Variants in TAS2R1 observed in about 807,000 individuals in gnomAD.
TAS2R1 encodes the protein taste receptor type 2 member 1.
For synonymous variants in TAS2R1, 141 were observed against 134.2 expected, an observed-to-expected ratio of 1.05 and a Z score of -0.35; for missense variants, 370 against 353.4, an observed-to-expected ratio of 1.05 and a Z score of -0.38.
the TAS2R1 span, among the ~76,000 whole-genome samples, chr5:9,852,627 GTTTCC>G: frequency 2.0e-5 from 3 of 152,256 alleles, no homozygotes; most frequent in East Asian, 1.9e-4. Flanking sequence ...ATTATAAATT[GTTTCC>G]TTTCATCTGT....
the TAS2R1 span, among the ~76,000 whole-genome samples, chr5:9,753,050 T>A: frequency 6.6e-6 from 1 of 152,234 alleles, no homozygotes; most frequent in Non-Finnish European, 1.5e-5. Context: ...TTATAATCCT[T>A]TGGGTATATA....
At position 9,629,128 on chromosome 5, in the gene TAS2R1, C is replaced by T. The variant is rs769234681; in HGVS notation, c.*5G>A. The T allele has an allele frequency of 1.9e-6, 3 of 1,538,802 alleles. No homozygotes were observed. The highest frequency in any genetic ancestry group is 4.2e-5 in the Admixed American group (2 of 47,174). Reference sequence around the variant, plus strand: ...TGGGTTCTTTGAACTGATCCAACTTCTCTCTCACTGACAGCACTTACTGTG... The same window carrying T: ...TGGGTTCTTTGAACTGATCCAACTTTTCTCTCACTGACAGCACTTACTGTG... On this transcript the variant is annotated 3_prime_UTR_variant, in exon 1 of 1. Coordinates refer to ENST00000382492, the MANE Select transcript of TAS2R1 (RefSeq NM_019599.3).
chr5:9,807,997 T>C, the TAS2R1 span, among the ~76,000 whole-genome samples: 1 of 152,186 alleles, frequency 6.6e-6, no homozygotes, highest in Non-Finnish European at 1.5e-5. Flanking sequence ...GGGGTGTTGC[T>C]CTAAAAATCT....
chr5:9,676,635 T>C (rs190296870), intron 1 of TAS2R1, among the ~76,000 whole-genome samples: 9 of 152,190 alleles, frequency 5.9e-5, no homozygotes, highest in Admixed American at 2.6e-4. Context: ...AAATATAAAA[T>C]GCAATACTAC....
the TAS2R1 span, among the ~76,000 whole-genome samples, chr5:9,851,287 A>G: frequency 0.71 from 108,468 of 152,176 alleles, 39,347 homozygotes; most frequent in East Asian, 0.86. Flanking sequence ...GGTTGTCTTC[A>G]TTGTCTGAAG....
the TAS2R1 span, chr5:9,903,711 G>C: frequency 6.6e-6 from 1 of 152,190 alleles, no homozygotes. Context: ...TCTCTCAGCT[G>C]TGGATACCAG....
chr5:9,687,067 C>T (rs1342154141), intron 1 of TAS2R1, among the ~76,000 whole-genome samples: 3 of 152,100 alleles, frequency 2.0e-5, no homozygotes, highest in Non-Finnish European at 1.5e-5. Flanking sequence ...TGGGTTCAAG[C>T]GATTCTCCTG....
intron 1 of TAS2R1, among the ~76,000 whole-genome samples, chr5:9,699,033 T>C (rs1277324658): frequency 6.6e-6 from 1 of 152,174 alleles, no homozygotes; most frequent in Non-Finnish European, 1.5e-5. Flanking sequence ...CTCAAAACAG[T>C]TCCTGGCTCA....
At chr5:9,723,228 G>A in the TAS2R1 span, among the ~76,000 whole-genome samples, 12 of 152,176 alleles carry the variant, frequency 7.9e-5, no homozygotes, top group Non-Finnish European at 1.6e-4. Flanking sequence ...TTGTTGCCAT[G>A]AAGACTGGGC....
At chr5:9,817,100 T>C in the TAS2R1 span, among the ~76,000 whole-genome samples, 1 of 152,196 alleles carries the variant, frequency 6.6e-6, no homozygotes, top group Non-Finnish European at 1.5e-5. Flanking sequence ...GACTTTGAAG[T>C]CTACAAAAGT....
the TAS2R1 span, among the ~76,000 whole-genome samples, chr5:9,779,857 A>C: frequency 6.6e-6 from 1 of 152,232 alleles, no homozygotes; most frequent in Non-Finnish European, 1.5e-5. Context: ...TTCAATTTGT[A>C]AATAACCCAT....
the TAS2R1 span, among the ~76,000 whole-genome samples, chr5:9,795,349 AC>A: frequency 6.6e-6 from 1 of 152,176 alleles, no homozygotes; most frequent in Admixed American, 6.5e-5. Flanking sequence ...GGGCTAGAGG[AC>A]AAAGTAATAT....
chr5:9,775,463 G>A, the TAS2R1 span, among the ~76,000 whole-genome samples: 1 of 151,870 alleles, frequency 6.6e-6, no homozygotes. Flanking sequence ...GCAAGACAAT[G>A]TCTCCATTAC....
At chr5:9,714,051 T>C (rs1734757792), upstream of TAS2R1, 1 of 152,216 alleles carries the variant, frequency 6.6e-6, no homozygotes. Context: ...TTTTCTCACC[T>C]AGCAGAAAGC....
the TAS2R1 span, among the ~76,000 whole-genome samples, chr5:9,758,420 C>T: frequency 1.3e-5 from 2 of 152,172 alleles, no homozygotes; most frequent in African/African-American, 2.4e-5. Context: ...CACATACGAA[C>T]TCCGTGGTCC....
the TAS2R1 span, among the ~76,000 whole-genome samples, chr5:9,903,238 A>T: frequency 6.6e-6 from 1 of 151,922 alleles, no homozygotes; most frequent in African/African-American, 2.4e-5. Context: ...AAGTGAAAAA[A>T]CCTACAAGTA....
At chr5:9,830,870 A>G in the TAS2R1 span, among the ~76,000 whole-genome samples, 1 of 152,224 alleles carries the variant, frequency 6.6e-6, no homozygotes, top group African/African-American at 2.4e-5. Context: ...ACATAGATAT[A>G]GAGAAGACAG....
At chr5:9,833,268 C>T in the TAS2R1 span, among the ~76,000 whole-genome samples, 1 of 152,158 alleles carries the variant, frequency 6.6e-6, no homozygotes, top group Non-Finnish European at 1.5e-5. Context: ...AGGTATGCAG[C>T]TTTTTATCTT....
chr5:9,861,663 G>A, the TAS2R1 span, among the ~76,000 whole-genome samples: 1 of 152,184 alleles, frequency 6.6e-6, no homozygotes, highest in Non-Finnish European at 1.5e-5. Flanking sequence ...TAAGGAATAT[G>A]TAGAATCAAG....
Sources: gnomAD v4.1 joint callset for allele counts (sites outside exome capture counted in the v4.1 genomes callset) on GRCh38, gnomAD v4.1.1 for gene constraint, MANE v1.5 for transcripts, NCBI Gene and HGNC (gene_info 2026-07-23, HGNC 2026-07-21) for gene names.